Variants in CLOCK observed in about 807,000 individuals in gnomAD.
The protein encoded by CLOCK is circadian locomoter output cycles protein kaput.
In CLOCK, 43 loss-of-function variants were observed where a neutral mutation model predicts 118.4. The ratio of observed to expected loss-of-function variants is 0.36; its 90% CI spans 0.28 to 0.47. CLOCK has a LOEUF of 0.47. Among genes scored for constraint, CLOCK ranks in the 20% least tolerant of loss-of-function variants. The pLI is 1.00. For synonymous variants in CLOCK, 326 were observed against 339.2 expected (o/e 0.96, Z 0.43); for missense variants, 846 against 999.9 (o/e 0.85, Z 2.08).
chr4:55,488,447 A>G (rs1398000910), intron 3 of CLOCK, among the ~76,000 whole-genome samples: 1 of 152,194 alleles, frequency 6.6e-6, no homozygotes, highest in Admixed American at 6.5e-5. Context: ...TATACTTAAA[A>G]CAGAACACTT....
intron 2 of CLOCK, among the ~76,000 whole-genome samples, chr4:55,507,367 C>A (rs532091970): frequency 7.5e-4 from 114 of 152,008 alleles, no homozygotes; most frequent in African/African-American, 2.6e-3. Flanking sequence ...AATCCCAACA[C>A]TTTGGAAGGC....
chr4:55,545,845 G>C (rs978253678), intron 1 of CLOCK: 1 of 152,314 alleles, frequency 6.6e-6, no homozygotes, highest in South Asian at 2.1e-4. Flanking sequence ...GCGGTGACGG[G>C]GAACGGGAAG....
rs1249809171 is a variant in CLOCK at position 55,476,049 on chromosome 4, T to C, written c.262A>G (p.Thr88Ala). ...ATTTCACTAGCATCTGACTGTGCAG[T>C]GATTTCTGTAAACAGATTGACATAT... ...IDFLRKHKEITAQSDASEIRQ... is the reference protein window; with the variant it reads ...IDFLRKHKEIAAQSDASEIRQ... The change falls in exon 7 of 23, where the codon ACT (threonine) becomes GCT (alanine). Residue 88 changes from threonine (T) to alanine (A), a missense_variant. Thr to Ala is a moderately conservative substitution (Grantham distance 58, BLOSUM62 0). Around this residue, in one of 4 missense-constraint regions of CLOCK, gnomAD observed 246 missense variants for 300.2 expected, o/e 0.82. Transcript: ENST00000513440. 6.2e-7 allele frequency: 1 copy of C among 1,611,034 alleles called. No homozygotes were observed. The highest frequency in any genetic ancestry group is 1.7e-5 in the Admixed American group (1 of 59,956).
rs376625766 is a variant in CLOCK, at chr4:55,431,975, A to T, written c.*3440T>A. 1 of 152,234 alleles carries T rather than the reference A, an allele frequency of 6.6e-6. No individual in the cohort carries two copies. Among genetic ancestry groups the T allele is most frequent in the East Asian group, 1.9e-4 (1 of 5,196 alleles). 9.4% of individuals were successfully genotyped at this position (152,234 alleles called of 1,614,324 possible). A position where few individuals can be genotyped will look rare whatever the true frequency, so the allele number is the denominator to read the frequency against. ...AGCAGACTGCTTTAAGGCAATGACC[A>T]ACAACTACAGCACTTCTGAAGACCA... On this transcript the variant is annotated 3_prime_UTR_variant, in exon 23 of 23. Transcript: ENST00000513440.
At chr4:55,524,392 C>CT (rs1345463295) in intron 1 of CLOCK, among the ~76,000 whole-genome samples, 1 of 151,382 alleles carries the variant, frequency 6.6e-6, no homozygotes, top group Non-Finnish European at 1.5e-5. Flanking sequence ...GAGTGAGACT[C>CT]TGTCTCAAAA....
chr4:55,442,992 A>G (rs1286627788), intron 20 of CLOCK, among the ~76,000 whole-genome samples: 1 of 152,160 alleles, frequency 6.6e-6, no homozygotes, highest in African/African-American at 2.4e-5. Flanking sequence ...GATCTACAGT[A>G]ATTACCAACA....
At chr4:55,535,553 T>C (rs1199832733) in intron 1 of CLOCK, among the ~76,000 whole-genome samples, 2 of 151,856 alleles carry the variant, frequency 1.3e-5, no homozygotes, top group Admixed American at 6.6e-5. Context: ...CAAAAATAAA[T>C]GACAATAATA....
chr4:55,444,753 T>C lies in CLOCK; in HGVS notation c.1572A>G (p.Gln524=). The C allele has an allele frequency of 6.2e-7, 1 of 1,614,082 alleles. No homozygotes were observed. The highest frequency in any genetic ancestry group is 8.5e-7 in the Non-Finnish European group (1 of 1,180,000). The part of the protein sequence containing the change: ...FQFSAQLGAM[Q]HLKDQLEQRT... ...GTTGTTCCAATTGGTCTTTCAGATG[T>C]TGCATGGCTCCTAATTGAGCTGAAA... Residue 524 remains glutamine (Q), a synonymous_variant, in exon 19 of 23, where the codon CAA becomes CAG. Transcript: ENST00000513440.
intron 2 of CLOCK, among the ~76,000 whole-genome samples, chr4:55,497,993 C>A (rs1259025307): frequency 1.4e-5 from 2 of 139,970 alleles, no homozygotes; most frequent in African/African-American, 2.5e-5. Flanking sequence ...ATTTTAGCAA[C>A]CTAAAAGAAG....
chr4:55,537,822 G>C (rs1731003643), intron 1 of CLOCK, among the ~76,000 whole-genome samples: 1 of 151,912 alleles, frequency 6.6e-6, no homozygotes, highest in African/African-American at 2.4e-5. Flanking sequence ...AACAATTAAA[G>C]GGAAGTTTAT....
chr4:55,527,905 C>A (rs527874390), intron 1 of CLOCK, among the ~76,000 whole-genome samples: 1 of 152,024 alleles, frequency 6.6e-6, no homozygotes, highest in South Asian at 2.1e-4. Context: ...ATTAGCTGGG[C>A]ATAGTGGCAC....
intron 2 of CLOCK, among the ~76,000 whole-genome samples, chr4:55,493,966 C>T (rs1418250034): frequency 3.9e-5 from 6 of 152,172 alleles, no homozygotes; most frequent in Non-Finnish European, 7.4e-5. Context: ...TAATACAGTT[C>T]TCTTAGTGGG....
At chr4:55,446,650 G>GGCATGACTCAA (rs1311235163) in intron 18 of CLOCK, among the ~76,000 whole-genome samples, 2 of 152,118 alleles carry the variant, frequency 1.3e-5, no homozygotes, top group Middle Eastern at 3.2e-3. Context: ...TTATTTCTCT[G>GGCATGACTCAA]TTTTACTTGA....
chr4:55,438,125 G>A (rs560525488), intron 22 of CLOCK, among the ~76,000 whole-genome samples, 157 bp downstream of exon 22: 4 of 152,158 alleles, frequency 2.6e-5, no homozygotes, highest in South Asian at 2.1e-4. Flanking sequence ...AAAAAAAATC[G>A]CCAACCAGAA....
intron 2 of CLOCK, among the ~76,000 whole-genome samples, chr4:55,492,046 A>G (rs1299767705): frequency 6.6e-6 from 1 of 152,192 alleles, no homozygotes; most frequent in Non-Finnish European, 1.5e-5. Context: ...CAAACTCTTT[A>G]TGAAGCCAGC....
chr4:55,496,744 T>C (rs1023497392), intron 2 of CLOCK, among the ~76,000 whole-genome samples: 1 of 152,158 alleles, frequency 6.6e-6, no homozygotes, highest in Non-Finnish European at 1.5e-5. Context: ...CTTCCTCATT[T>C]CCCATTCTAC....
Position 55,438,273 on chromosome 4 carries a change from G to A in CLOCK, c.2361+9C>T. ...GAGTTTGAAGCAGCTTCCCCATGGG[G>A]AGAATTACCTGTAAAAATTGTTGCG... On this transcript the variant is annotated intron_variant, in intron 22 of 22. Transcript: ENST00000513440. 6.2e-7 allele frequency: 1 copy of A among 1,614,050 alleles called. No individual in the cohort carries two copies. Among genetic ancestry groups the A allele is most frequent in the Non-Finnish European group, 8.5e-7 (1 of 1,179,970 alleles).
chr4:55,470,460 T>C (rs978425131), intron 8 of CLOCK, among the ~76,000 whole-genome samples: 1 of 152,172 alleles, frequency 6.6e-6, no homozygotes, highest in African/African-American at 2.4e-5. Flanking sequence ...TCTATGATGT[T>C]CACACAGTGA....
chr4:55,520,785 C>G (rs767272985), intron 1 of CLOCK, among the ~76,000 whole-genome samples: 1 of 152,078 alleles, frequency 6.6e-6, no homozygotes, highest in Non-Finnish European at 1.5e-5. Flanking sequence ...TCATAAATTC[C>G]TCCTCCCATC....
Sources: gnomAD v4.1 joint callset for allele counts (sites outside exome capture counted in the v4.1 genomes callset) on GRCh38, gnomAD v4.1.1 for gene constraint, gnomAD v4.1.1 regional missense constraint, MANE v1.5 for transcripts, NCBI Gene and HGNC (gene_info 2026-07-23, HGNC 2026-07-21) for gene names.